The following CNTN4 variants were observed in gnomAD, a reference collection of about 807,000 sequenced individuals.
CNTN4 encodes contactin 4.
Under a neutral mutation model 122.5 loss-of-function variants are expected in CNTN4, and 77 were observed. That is an observed-to-expected ratio of 0.63 (90% CI 0.52 to 0.76). The LOEUF (loss-of-function observed/expected upper bound fraction) is 0.76. CNTN4 is among the 30% of genes least tolerant of loss of function. CNTN4 has a pLI of 0.00. For synonymous variants in CNTN4, 512 were observed against 447.0 expected, an observed-to-expected ratio of 1.15 and a Z score of -1.83; for missense variants, 1,256 against 1,259.1, an observed-to-expected ratio of 1.00 and a Z score of 0.04.
chr3:2,494,096 C>T (rs946063989), intron 3 of CNTN4, among the ~76,000 whole-genome samples: 1 of 151,716 alleles, frequency 6.6e-6, no homozygotes, highest in Non-Finnish European at 1.5e-5. Context: ...TTTCCTCTTA[C>T]ATGTTATTGA....
chr3:2,111,210 T>C (rs1476270719), intron 2 of CNTN4, among the ~76,000 whole-genome samples: 2 of 152,328 alleles, frequency 1.3e-5, no homozygotes, highest in Non-Finnish European at 1.5e-5. Flanking sequence ...AATGCTTATA[T>C]ACGCACTGTG....
chr3:2,442,022 A>ATATT (rs2048460424), intron 3 of CNTN4, among the ~76,000 whole-genome samples: 1 of 152,162 alleles, frequency 6.6e-6, no homozygotes, highest in Non-Finnish European at 1.5e-5. Context: ...ATATTCTATA[A>ATATT]CTAGTATTTA....
chr3:2,621,909 G>T (rs538864719), intron 4 of CNTN4, among the ~76,000 whole-genome samples: 3 of 152,074 alleles, frequency 2.0e-5, no homozygotes, highest in Non-Finnish European at 4.4e-5. Flanking sequence ...GTCCAGCATG[G>T]TACTTGCAGC....
intron 7 of CNTN4, among the ~76,000 whole-genome samples, chr3:2,843,843 T>A (rs2093407394): frequency 6.6e-6 from 1 of 152,182 alleles, no homozygotes; most frequent in South Asian, 2.1e-4. Context: ...TATTTCTTCA[T>A]AGCAATACAG....
intron 3 of CNTN4, among the ~76,000 whole-genome samples, chr3:2,569,963 G>A (rs1364463768): frequency 3.9e-5 from 6 of 151,960 alleles, no homozygotes; most frequent in African/African-American, 1.5e-4. Context: ...ACTGTGCCTT[G>A]TTCCTCTTGA....
intron 13 of CNTN4, among the ~76,000 whole-genome samples, chr3:2,983,597 C>A (rs951094884): frequency 6.6e-6 from 1 of 152,202 alleles, no homozygotes; most frequent in Non-Finnish European, 1.5e-5. Flanking sequence ...AAGCACCGCA[C>A]ATCTTAACAA....
intron 2 of CNTN4, among the ~76,000 whole-genome samples, chr3:2,139,148 G>C (rs1465665799): frequency 6.6e-6 from 1 of 152,086 alleles, no homozygotes; most frequent in Non-Finnish European, 1.5e-5. Flanking sequence ...AAATGGCAGA[G>C]CGTAGATCCT....
At chr3:2,867,995 A>G (rs138434043) in intron 8 of CNTN4, among the ~76,000 whole-genome samples, 180 of 152,304 alleles carry the variant, frequency 1.2e-3, no homozygotes, top group African/African-American at 4.3e-3. Context: ...ACAAGGGCTG[A>G]TATCATGATT....
intron 7 of CNTN4, among the ~76,000 whole-genome samples, chr3:2,823,681 C>G: frequency 6.6e-6 from 1 of 152,136 alleles, no homozygotes; most frequent in Non-Finnish European, 1.5e-5. Flanking sequence ...AATTCATGAC[C>G]TTTAACCAAG....
intron 4 of CNTN4, among the ~76,000 whole-genome samples, chr3:2,646,465 G>A (rs965312402): frequency 6.6e-6 from 1 of 152,124 alleles, no homozygotes; most frequent in African/African-American, 2.4e-5. Flanking sequence ...TATAATCGTG[G>A]TCAGAATTGA....
chr3:2,980,021 T>G (rs1290059593), intron 13 of CNTN4, among the ~76,000 whole-genome samples: 2 of 152,210 alleles, frequency 1.3e-5, no homozygotes, highest in African/African-American at 4.8e-5. Context: ...AAGATCAGCA[T>G]TTTTAAAGGT....
At chr3:3,011,680 G>C (rs1227865873) in intron 14 of CNTN4, among the ~76,000 whole-genome samples, 3 of 152,096 alleles carry the variant, frequency 2.0e-5, no homozygotes, top group African/African-American at 7.2e-5. Context: ...TGTCATTTTT[G>C]TTTCTTCTTT....
chr3:2,929,218 GGA>G (rs771557053), intron 13 of CNTN4, among the ~76,000 whole-genome samples: 12 of 152,156 alleles, frequency 7.9e-5, no homozygotes, highest in Non-Finnish European at 1.6e-4. Flanking sequence ...TTAGTCCTCA[GGA>G]GAGGTCTCTA....
intron 4 of CNTN4, among the ~76,000 whole-genome samples, chr3:2,630,477 A>T (rs1365605529): frequency 1.3e-5 from 2 of 152,208 alleles, no homozygotes; most frequent in Non-Finnish European, 2.9e-5. Flanking sequence ...TACAATCTGT[A>T]TATCTATCTT....
chr3:2,548,211 G>T (rs1176244840), intron 3 of CNTN4, among the ~76,000 whole-genome samples: 3 of 152,108 alleles, frequency 2.0e-5, no homozygotes, highest in African/African-American at 7.2e-5. Context: ...GGCTTTTGTT[G>T]CCATTGCTTT....
At chr3:2,656,423 T>C (rs942143533) in intron 4 of CNTN4, among the ~76,000 whole-genome samples, 27 of 152,366 alleles carry the variant, frequency 1.8e-4, no homozygotes, top group African/African-American at 6.0e-4. Flanking sequence ...CTTTAGAGCA[T>C]GTTTCACCAA....
chr3:2,246,634 A>G (rs2040163269), intron 2 of CNTN4, among the ~76,000 whole-genome samples: 1 of 152,048 alleles, frequency 6.6e-6, no homozygotes, highest in African/African-American at 2.4e-5. Context: ...ATACTATTAT[A>G]GGAAATACCA....
chr3:2,579,775 A>G (rs2079853753), intron 4 of CNTN4, among the ~76,000 whole-genome samples: 1 of 152,172 alleles, frequency 6.6e-6, no homozygotes, highest in African/African-American at 2.4e-5. Flanking sequence ...TGTTAAATAT[A>G]TGTTAATGTT....
chr3:2,256,936 T>C (rs1176889660), intron 2 of CNTN4, among the ~76,000 whole-genome samples: 1 of 152,136 alleles, frequency 6.6e-6, no homozygotes, highest in Non-Finnish European at 1.5e-5. Context: ...CAGAAAAAAC[T>C]GCTTTAAATT....
Sources: allele counts gnomAD v4.1 joint callset (sites outside exome capture counted in the v4.1 genomes callset), GRCh38; gene constraint gnomAD v4.1.1; transcripts MANE v1.5; gene names NCBI Gene and HGNC (gene_info 2026-07-23, HGNC 2026-07-21).